BIRC6: variants seen among roughly 807,000 people sequenced by gnomAD.
BIRC6 encodes baculoviral IAP repeat containing 6.
A neutral mutation model predicts 503.3 loss-of-function variants in BIRC6; 98 were observed. The observed-to-expected ratio is 0.19, with a 90% CI of 0.17 to 0.23. The LOEUF is 0.23. Ranked by LOEUF, BIRC6 falls within the 10% of genes least tolerant of loss-of-function variation. BIRC6 has a pLI of 1.00. For missense variants in BIRC6, 5,360 were observed against 5,806.0 expected, an observed-to-expected ratio of 0.92 and a Z score of 2.50; for synonymous variants, 2,240 against 2,078.7, an observed-to-expected ratio of 1.08 and a Z score of -2.11.
intron 71 of BIRC6, among the ~76,000 whole-genome samples, chr2:32,606,675 C>A (rs995062898): frequency 6.6e-6 from 1 of 151,974 alleles, no homozygotes; most frequent in Admixed American, 6.6e-5. Context: ...TTAAAATGGT[C>A]TCAGGCATAG....
At chr2:32,442,554 A>T in intron 19 of BIRC6, 99 bp downstream of exon 19, 1 of 1,281,820 alleles carries the variant, frequency 7.8e-7, no homozygotes, top group South Asian at 1.9e-5. Flanking sequence ...TGTTTAATGT[A>T]TGTATAATTT....
chr2:32,566,155 A>T (rs2710615), intron 65 of BIRC6: 54,136 of 152,024 alleles, frequency 0.36, 10,192 homozygotes, highest in Non-Finnish European at 0.43. Context: ...CCCCAAAATG[A>T]CATTATAGTA....
chr2:32,542,337 A>G lies in BIRC6; in HGVS notation c.12292-904A>G, dbSNP rs575737283. Among the ~76,000 whole-genome samples the G allele has an allele frequency of 3.2e-3, 492 of 152,254 alleles. 2 individuals carry two copies. The highest frequency in any genetic ancestry group is 0.014 in the Middle Eastern group (4 of 294). On this transcript the variant is annotated intron_variant, in intron 61 of 73. Transcript: ENST00000421745. The stretch of plus-strand genomic sequence containing the variant: ...TGAGCCTAGAATGTTTTGCTGTGCT[A>G]GAAAGCAAGGAAGTGCTCAAAGAAC...
intron 46 of BIRC6, among the ~76,000 whole-genome samples, chr2:32,500,420 A>AT (rs368668031): frequency 0.36 from 51,082 of 140,368 alleles, 9,548 homozygotes; most frequent in Non-Finnish European, 0.43. Flanking sequence ...CACCCAGCTA[A>AT]TTTTTTTTTT....
chr2:32,543,620 A>C, intron 62 of BIRC6, 79 bp downstream of exon 62: 1 of 1,362,504 alleles, frequency 7.3e-7, no homozygotes, highest in Non-Finnish European at 1.0e-6. Flanking sequence ...CCTATTATTC[A>C]TCATTTATTT....
intron 45 of BIRC6, among the ~76,000 whole-genome samples, chr2:32,496,477 A>G (rs1053491914): frequency 1.3e-5 from 2 of 151,986 alleles, no homozygotes; most frequent in African/African-American, 2.4e-5. Context: ...ACCTGCCTCC[A>G]TTTCCCAAAT....
chr2:32,540,730 C>T (rs1331234974), intron 61 of BIRC6, among the ~76,000 whole-genome samples: 1 of 151,882 alleles, frequency 6.6e-6, no homozygotes, highest in African/African-American at 2.4e-5. Flanking sequence ...TGAAATTAAT[C>T]TTTGTTGATG....
intron 45 of BIRC6, among the ~76,000 whole-genome samples, chr2:32,498,347 C>T (rs570769624): frequency 1.4e-3 from 211 of 152,082 alleles, no homozygotes; most frequent in Non-Finnish European, 2.6e-3. Flanking sequence ...CCACTGTGCC[C>T]GGCCTATAAC....
chr2:32,394,657 C>G (rs551744251), intron 5 of BIRC6, among the ~76,000 whole-genome samples: 1 of 152,148 alleles, frequency 6.6e-6, no homozygotes, highest in South Asian at 2.1e-4. Flanking sequence ...TGTAAGGAGA[C>G]CATGTCTCTA....
At chr2:32,459,221 A>T (rs1353946159) in intron 23 of BIRC6, among the ~76,000 whole-genome samples, 3 of 152,130 alleles carry the variant, frequency 2.0e-5, no homozygotes, top group African/African-American at 7.2e-5. Flanking sequence ...CCTTCCAGTC[A>T]CTTGGCAACC....
chr2:32,422,060 A>T (rs1025436769), intron 10 of BIRC6, among the ~76,000 whole-genome samples: 13 of 152,180 alleles, frequency 8.5e-5, no homozygotes, highest in Non-Finnish European at 1.6e-4. Flanking sequence ...GTCATTATGA[A>T]ATATTCCTCT....
At chr2:32,392,190 C>A in intron 5 of BIRC6, 40 bp downstream of exon 5, 1 of 1,322,630 alleles carries the variant, frequency 7.6e-7, no homozygotes, top group South Asian at 1.4e-5. Flanking sequence ...CTCAGTAGGC[C>A]TTTGTAGCCC....
chr2:32,503,691 G>A (rs2149493417), intron 49 of BIRC6, among the ~76,000 whole-genome samples: 1 of 152,166 alleles, frequency 6.6e-6, no homozygotes, highest in East Asian at 1.9e-4. Context: ...CAAAGTGCTG[G>A]GATTACAGGC....
At chr2:32,584,555 GTT>G (rs996654117) in intron 66 of BIRC6, among the ~76,000 whole-genome samples, 3 of 151,946 alleles carry the variant, frequency 2.0e-5, no homozygotes, top group African/African-American at 4.8e-5. Flanking sequence ...ATAAATAAAA[GTT>G]TTTTAAAACC....
intron 65 of BIRC6, chr2:32,563,633 A>T (rs577150294): frequency 2.0e-5 from 3 of 152,354 alleles, no homozygotes; most frequent in African/African-American, 7.2e-5. Flanking sequence ...AAGAGAAAAA[A>T]ATTTTAGTGA....
chr2:32,549,094 AGTCATATGTAG>A (rs1221097595), intron 64 of BIRC6: 2 of 347,534 alleles, frequency 5.8e-6, no homozygotes, highest in Non-Finnish European at 1.0e-5. Flanking sequence ...TTATATGTCT[AGTCATATGTAG>A]TGTACCATCC....
chr2:32,441,498 A>G (rs776311428), intron 17 of BIRC6, 36 bp downstream of exon 17: 12 of 1,578,126 alleles, frequency 7.6e-6, no homozygotes, highest in South Asian at 1.1e-5. Context: ...TTCTTACAGT[A>G]ATGAAAGTGC....
chr2:32,503,338 C>A, intron 49 of BIRC6, 102 bp downstream of exon 49: 1 of 925,148 alleles, frequency 1.1e-6, no homozygotes, highest in Non-Finnish European at 1.6e-6. Flanking sequence ...TTATATATCA[C>A]TATTTTAATT....
Position 32,474,173 on chromosome 2 carries a change from A to T in BIRC6, c.6720+934A>T, listed in dbSNP as rs549487039. ...ATTTTTTGTTTTGTTTTTTATATTT[A>T]AAAAATTTTTTGATTTATGGGGCTT... On this transcript the variant is annotated intron_variant, in intron 33 of 73. Transcript: ENST00000421745. Among the ~76,000 whole-genome samples, 330 of 152,144 alleles carry T rather than the reference A, an allele frequency of 2.2e-3. 1 individual carries two copies. The highest frequency in any genetic ancestry group is 7.5e-3 in the African/African-American group (310 of 41,542).
Sources: gnomAD v4.1 joint callset for allele counts (sites outside exome capture counted in the v4.1 genomes callset) on GRCh38, gnomAD v4.1.1 for gene constraint, MANE v1.5 for transcripts, NCBI Gene and HGNC (gene_info 2026-07-23, HGNC 2026-07-21) for gene names.